Variants in KSR1 observed in about 807,000 individuals in gnomAD.
The protein encoded by KSR1 is kinase suppressor of ras.
In KSR1, 35 loss-of-function variants were observed where a neutral mutation model predicts 92.9. The ratio of observed to expected loss-of-function variants is 0.38; its 90% CI spans 0.29 to 0.50. KSR1 has a LOEUF of 0.50. Among genes scored for constraint, KSR1 ranks in the 20% least tolerant of loss-of-function variants. KSR1 has a pLI of 0.94. For synonymous variants in KSR1, 467 were observed against 472.6 expected, an observed-to-expected ratio of 0.99 and a Z score of 0.15; for missense variants, 972 against 1,158.5, an observed-to-expected ratio of 0.84 and a Z score of 2.34.
rs2073919883 is a variant in KSR1 at position 27,611,639 on chromosome 17, A to G, written c.2493+10A>G. The G allele has an allele frequency of 1.2e-6, 2 of 1,613,548 alleles. No homozygotes were observed. The highest frequency in any genetic ancestry group is 2.7e-5 in the African/African-American group (2 of 74,900). ...GGGGAAGGAAGTCAGTGTAAGTAGT[A>G]CCTGCCCTGGGTGGAGCAGTAGGGC... is the stretch of plus-strand genomic sequence containing the variant. On this transcript the variant is annotated intron_variant, in intron 18 of 20. Transcript: ENST00000644974.
chr17:27,488,864 T>G (rs1487620844), intron 1 of KSR1, among the ~76,000 whole-genome samples: 1 of 152,162 alleles, frequency 6.6e-6, no homozygotes, highest in East Asian at 1.9e-4. Flanking sequence ...CTCGGGAGGC[T>G]GAGGCAAGAG....
intron 2 of KSR1, chr17:27,566,383 C>A: frequency 2.5e-6 from 1 of 399,102 alleles, no homozygotes; most frequent in Non-Finnish European, 4.4e-6. Context: ...ACCCCTCTCC[C>A]TGCCTCCTTC....
chr17:27,456,518 C>T lies in KSR1; in HGVS notation c.-126C>T, dbSNP rs1376299784. The T allele has an allele frequency of 7.4e-6, 3 of 404,058 alleles. No homozygotes were observed. The highest frequency in any genetic ancestry group is 1.8e-4 in the South Asian group (2 of 11,270). 25.0% of individuals were successfully genotyped at this position (404,058 alleles called of 1,614,324 possible). A position where few individuals can be genotyped will look rare whatever the true frequency, so the allele number is the denominator to read the frequency against. ...CGGCAGACTCAGCGGCCGGCTCTACCGGCGTCCCGGCTCGGGCAGCGCCGA... is the reference window on the plus strand; with the variant it reads ...CGGCAGACTCAGCGGCCGGCTCTACTGGCGTCCCGGCTCGGGCAGCGCCGA... On this transcript the variant is annotated 5_prime_UTR_variant, in exon 1 of 21. Transcript: ENST00000644974.
intron 1 of KSR1, among the ~76,000 whole-genome samples, chr17:27,483,258 G>A (rs1056698274): frequency 6.6e-6 from 1 of 152,184 alleles, no homozygotes; most frequent in Admixed American, 6.5e-5. Flanking sequence ...CCAGGAAAGA[G>A]CACGTTAGAG....
At chr17:27,563,729 C>T (rs989872342) in intron 2 of KSR1, among the ~76,000 whole-genome samples, 3 of 152,186 alleles carry the variant, frequency 2.0e-5, no homozygotes, top group African/African-American at 7.2e-5. Flanking sequence ...AGATGGTTTC[C>T]TGTCTTAGCC....
At chr17:27,488,082 C>CA (rs763246697) in intron 1 of KSR1, among the ~76,000 whole-genome samples, 7 of 152,344 alleles carry the variant, frequency 4.6e-5, no homozygotes, top group Non-Finnish European at 8.8e-5. Flanking sequence ...CAGAGGCATT[C>CA]ATAACAGCTT....
chr17:27,478,139 T>C (rs2068400418), intron 1 of KSR1, among the ~76,000 whole-genome samples: 1 of 152,232 alleles, frequency 6.6e-6, no homozygotes, highest in East Asian at 1.9e-4. Flanking sequence ...AGCCCAGTAC[T>C]TGGCACACAG....
intron 1 of KSR1, among the ~76,000 whole-genome samples, chr17:27,489,638 A>G (rs2068763571): frequency 6.6e-6 from 1 of 152,138 alleles, no homozygotes; most frequent in South Asian, 2.1e-4. Flanking sequence ...TGGGGGCAGT[A>G]GAGTGAAAGT....
At chr17:27,553,856 C>T (rs2071493187) in intron 2 of KSR1, among the ~76,000 whole-genome samples, 1 of 152,238 alleles carries the variant, frequency 6.6e-6, no homozygotes, top group African/African-American at 2.4e-5. Context: ...CTGAGAGTTT[C>T]TCCTTGTACA....
At chr17:27,532,452 G>A (rs952947878) in intron 1 of KSR1, among the ~76,000 whole-genome samples, 5 of 152,246 alleles carry the variant, frequency 3.3e-5, no homozygotes, top group Admixed American at 3.3e-4. Flanking sequence ...GCTCCAGCCC[G>A]CAGCACTTGA....
At chr17:27,526,718 G>A (rs2070316984) in intron 1 of KSR1, 5 of 1,389,074 alleles carry the variant, frequency 3.6e-6, no homozygotes, top group South Asian at 1.2e-5. Flanking sequence ...TTCAGGTTGA[G>A]AGGTCCTCTC....
chr17:27,477,682 G>A (rs150952147), intron 1 of KSR1, among the ~76,000 whole-genome samples: 7 of 151,304 alleles, frequency 4.6e-5, no homozygotes, highest in African/African-American at 1.2e-4. Context: ...CCACTTCTAC[G>A]CCAGATGCTT....
chr17:27,611,050 C>T (rs535131558), intron 17 of KSR1, among the ~76,000 whole-genome samples: 2 of 152,182 alleles, frequency 1.3e-5, no homozygotes, highest in African/African-American at 4.8e-5. Flanking sequence ...AGTGGGGTGG[C>T]CTTGGCGCCA....
At chr17:27,489,249 G>T (rs1305488215) in intron 1 of KSR1, among the ~76,000 whole-genome samples, 1 of 152,238 alleles carries the variant, frequency 6.6e-6, no homozygotes, top group Admixed American at 6.5e-5. Flanking sequence ...CATGCAGGGT[G>T]TGGAGAAGTA....
intron 13 of KSR1, 79 bp from the exon 14 acceptor site, chr17:27,605,355 C>T (rs1215992174): frequency 2.6e-6 from 4 of 1,511,462 alleles, no homozygotes; most frequent in Non-Finnish European, 3.5e-6. Context: ...TGTTACCTGG[C>T]TAGGGCTCCA....
chr17:27,485,840 A>AT (rs2068647488), intron 1 of KSR1, among the ~76,000 whole-genome samples: 1 of 152,020 alleles, frequency 6.6e-6, no homozygotes, highest in Non-Finnish European at 1.5e-5. Flanking sequence ...CAAAACCTTG[A>AT]TTTCCTTTTT....
At chr17:27,614,961 C>T (rs2074016946) in intron 18 of KSR1, among the ~76,000 whole-genome samples, 1 of 152,226 alleles carries the variant, frequency 6.6e-6, no homozygotes. Context: ...TGAGTGATGC[C>T]TTTCTCTGTC....
chr17:27,580,645 GCCTCCCTGAGTCACAGTGA>G (rs1319716286), intron 3 of KSR1, among the ~76,000 whole-genome samples: 1 of 152,144 alleles, frequency 6.6e-6, no homozygotes, highest in East Asian at 1.9e-4. Context: ...AGTGTCTGTG[GCCTCCCTGAGTCACAGTGA>G]CCTCCACTGT....
At chr17:27,484,359 G>C (rs1053618099) in intron 1 of KSR1, among the ~76,000 whole-genome samples, 5 of 152,216 alleles carry the variant, frequency 3.3e-5, no homozygotes, top group Admixed American at 6.5e-5. Flanking sequence ...AGCCTCTGGA[G>C]TTGCTGGGAT....
Sources: gnomAD v4.1 joint callset for allele counts (sites outside exome capture counted in the v4.1 genomes callset) on GRCh38, gnomAD v4.1.1 for gene constraint, MANE v1.5 for transcripts, NCBI Gene and HGNC (gene_info 2026-07-23, HGNC 2026-07-21) for gene names.